KCNQ5: variants seen among roughly 807,000 people sequenced by gnomAD.
KCNQ5 encodes the protein potassium voltage-gated channel subfamily Q member 5.
Under a neutral mutation model 98.2 loss-of-function variants are expected in KCNQ5, and 30 were observed. The ratio of observed to expected loss-of-function variants is 0.31; its 90% CI spans 0.23 to 0.41. The LOEUF is 0.41. KCNQ5 is among the 10% of genes least tolerant of loss of function. The probability of loss-of-function intolerance (pLI) is 1.00; values close to 1 mark genes in which losing one functional copy is unlikely to be tolerated. For missense variants in KCNQ5, 835 were observed against 1,182.5 expected, an observed-to-expected ratio of 0.71 and a Z score of 4.31; for synonymous variants, 458 against 449.4, an observed-to-expected ratio of 1.02 and a Z score of -0.24.
intron 2 of KCNQ5, among the ~76,000 whole-genome samples, chr6:73,032,539 A>C (rs1771196938): frequency 6.6e-6 from 1 of 152,226 alleles, no homozygotes. Context: ...TTTGAATCAA[A>C]TGAAAACTTG....
intron 1 of KCNQ5, among the ~76,000 whole-genome samples, chr6:72,914,260 G>C (rs762111587): frequency 2.6e-5 from 4 of 152,020 alleles, no homozygotes; most frequent in African/African-American, 9.7e-5. Context: ...CATCTGGAGC[G>C]CTTACTCAGT....
At chr6:72,968,467 CAT>C (rs1767723760) in intron 1 of KCNQ5, among the ~76,000 whole-genome samples, 1 of 150,806 alleles carries the variant, frequency 6.6e-6, no homozygotes, top group Non-Finnish European at 1.5e-5. Context: ...AAAAACAGAA[CAT>C]GTGATGAGGA....
chr6:73,044,504 C>G (rs1771866076), intron 3 of KCNQ5, among the ~76,000 whole-genome samples: 1 of 151,924 alleles, frequency 6.6e-6, no homozygotes, highest in South Asian at 2.1e-4. Flanking sequence ...CATGTTTGAC[C>G]CATGGTCCAG....
At chr6:73,185,001 C>T (rs117082967) in intron 11 of KCNQ5, among the ~76,000 whole-genome samples, 1 of 152,234 alleles carries the variant, frequency 6.6e-6, no homozygotes, top group Non-Finnish European at 1.5e-5. Flanking sequence ...AAACTCTGGG[C>T]CAAGTTTTGG....
At chr6:72,819,220 G>T (rs1775641985) in intron 1 of KCNQ5, among the ~76,000 whole-genome samples, 1 of 152,044 alleles carries the variant, frequency 6.6e-6, no homozygotes, top group Non-Finnish European at 1.5e-5. Flanking sequence ...GAGATGTTTT[G>T]ATACAGGAAT....
chr6:72,674,821 G>A (rs1767327875), intron 1 of KCNQ5, among the ~76,000 whole-genome samples: 1 of 152,054 alleles, frequency 6.6e-6, no homozygotes, highest in East Asian at 1.9e-4. Flanking sequence ...GTGGGAGTAA[G>A]TGTGGCAAAT....
At chr6:72,936,465 A>G (rs912509259) in intron 1 of KCNQ5, among the ~76,000 whole-genome samples, 3 of 152,218 alleles carry the variant, frequency 2.0e-5, no homozygotes, top group Admixed American at 1.3e-4. Context: ...AAAATTAATT[A>G]GAAAATGAAT....
At chr6:72,920,415 A>G (rs1780341279) in intron 1 of KCNQ5, among the ~76,000 whole-genome samples, 1 of 152,192 alleles carries the variant, frequency 6.6e-6, no homozygotes, top group Non-Finnish European at 1.5e-5. Flanking sequence ...CCCTTTAAAA[A>G]TAGTAGAGTA....
chr6:72,904,535 T>C (rs988001974), intron 1 of KCNQ5, among the ~76,000 whole-genome samples: 1 of 152,220 alleles, frequency 6.6e-6, no homozygotes, highest in African/African-American at 2.4e-5. Flanking sequence ...TAGAGCTCCT[T>C]TTAGCAGTTC....
At chr6:72,942,503 G>A (rs1260310776) in intron 1 of KCNQ5, among the ~76,000 whole-genome samples, 1 of 152,126 alleles carries the variant, frequency 6.6e-6, no homozygotes, top group East Asian at 1.9e-4. Context: ...AAAAATTAAA[G>A]AGACTGACAG....
chr6:72,624,376 C>T (rs1358102125), intron 1 of KCNQ5, among the ~76,000 whole-genome samples: 2 of 152,138 alleles, frequency 1.3e-5, no homozygotes, highest in Non-Finnish European at 2.9e-5. Context: ...CAACAGTATG[C>T]TCAAAACATT....
At chr6:72,737,971 C>G (rs1312756484) in intron 1 of KCNQ5, among the ~76,000 whole-genome samples, 1 of 151,956 alleles carries the variant, frequency 6.6e-6, no homozygotes, top group Non-Finnish European at 1.5e-5. Context: ...CTGGCTAACA[C>G]GGTGAAACCC....
intron 1 of KCNQ5, among the ~76,000 whole-genome samples, chr6:72,735,989 A>G (rs1026936161): frequency 6.6e-6 from 1 of 152,012 alleles, no homozygotes; most frequent in African/African-American, 2.4e-5. Flanking sequence ...TCAAAACTGG[A>G]TATTTATTTT....
chr6:72,906,528 C>T (rs940105872), intron 1 of KCNQ5, among the ~76,000 whole-genome samples: 3 of 152,210 alleles, frequency 2.0e-5, no homozygotes, highest in African/African-American at 7.2e-5. Context: ...TGGTGCCAGG[C>T]AGTGATGGCC....
chr6:72,813,995 A>G (rs1234739515), intron 1 of KCNQ5, among the ~76,000 whole-genome samples: 1 of 152,002 alleles, frequency 6.6e-6, no homozygotes, highest in Non-Finnish European at 1.5e-5. Context: ...CTGTATAAAG[A>G]TTTGGTTCAT....
chr6:72,898,414 G>T (rs1481398285), intron 1 of KCNQ5, among the ~76,000 whole-genome samples: 2 of 152,178 alleles, frequency 1.3e-5, no homozygotes, highest in Non-Finnish European at 2.9e-5. Context: ...TTAGGAGTGA[G>T]AACATGTGGT....
intron 1 of KCNQ5, among the ~76,000 whole-genome samples, chr6:72,665,409 T>C (rs960293278): frequency 6.6e-6 from 1 of 151,736 alleles, no homozygotes; most frequent in Non-Finnish European, 1.5e-5. Context: ...TTGTGTAATA[T>C]GGCGTTTTAA....
At chr6:72,824,937 T>C (rs73543817) in intron 1 of KCNQ5, among the ~76,000 whole-genome samples, 3 of 152,012 alleles carry the variant, frequency 2.0e-5, no homozygotes, top group Non-Finnish European at 2.9e-5. Flanking sequence ...TCAAAGCACC[T>C]TTATAGCCCT....
At chr6:72,698,682 A>C (rs1257630127) in intron 1 of KCNQ5, among the ~76,000 whole-genome samples, 5 of 123,180 alleles carry the variant, frequency 4.1e-5, no homozygotes, top group Non-Finnish European at 6.4e-5. Context: ...GAGAGATAAG[A>C]TATCACTCTG....
Sources: allele counts gnomAD v4.1 joint callset (sites outside exome capture counted in the v4.1 genomes callset), GRCh38; gene constraint gnomAD v4.1.1; transcripts MANE v1.5; gene names NCBI Gene and HGNC (gene_info 2026-07-23, HGNC 2026-07-21).